Variants in AAGAB observed in about 807,000 individuals in gnomAD.
The protein encoded by AAGAB is alpha- and gamma-adaptin-binding protein p34.
AAGAB carries 38 observed loss-of-function variants against 44.1 expected under a neutral mutation model. The observed-to-expected ratio is 0.86, with a 90% CI of 0.67 to 1.13. The LOEUF is 1.13. Ranked by LOEUF, AAGAB falls within the 50% of genes most tolerant of loss-of-function variation. The pLI is 0.00. For synonymous variants in AAGAB, 131 were observed against 131.8 expected (o/e 0.99, Z 0.04); for missense variants, 450 against 373.8 (o/e 1.20, Z -1.68).
chr15:67,244,917 G>A (rs1318766137), intron 1 of AAGAB, among the ~76,000 whole-genome samples: 1 of 152,002 alleles, frequency 6.6e-6, no homozygotes. Flanking sequence ...TCAACATCAT[G>A]AGTTATTAAG....
intron 6 of AAGAB, 46 bp downstream of exon 6, chr15:67,209,416 G>T: frequency 7.0e-7 from 1 of 1,427,830 alleles, no homozygotes; most frequent in Non-Finnish European, 9.9e-7. Context: ...ATGACAAGGA[G>T]AAATTAAAGC....
At chr15:67,216,111 A>G (rs927110227) in intron 5 of AAGAB, among the ~76,000 whole-genome samples, 2 of 152,122 alleles carry the variant, frequency 1.3e-5, no homozygotes, top group African/African-American at 2.4e-5. Context: ...TAAATAATAT[A>G]TTCATTGTAG....
intron 1 of AAGAB, among the ~76,000 whole-genome samples, chr15:67,246,175 G>A (rs1386317886): frequency 6.6e-6 from 1 of 152,166 alleles, no homozygotes; most frequent in Non-Finnish European, 1.5e-5. Flanking sequence ...GAGCTCAGGA[G>A]TTCAAGACCA....
intron 4 of AAGAB, among the ~76,000 whole-genome samples, chr15:67,233,971 G>A (rs759091062): frequency 9.2e-5 from 14 of 151,968 alleles, no homozygotes; most frequent in African/African-American, 1.9e-4. Flanking sequence ...TGCTGGGCGC[G>A]GTGGCTCATG....
chr15:67,208,486 C>A, intron 7 of AAGAB, 76 bp downstream of exon 7: 4 of 1,318,478 alleles, frequency 3.0e-6, no homozygotes, highest in Non-Finnish European at 4.3e-6. Context: ...GTCAATTTCC[C>A]CCTCAACAAT....
intron 5 of AAGAB, among the ~76,000 whole-genome samples, chr15:67,211,858 A>G (rs923798188): frequency 6.6e-6 from 1 of 151,710 alleles, no homozygotes; most frequent in African/African-American, 2.4e-5. Context: ...TTATGAAACC[A>G]AAGCAGTCTA....
intron 5 of AAGAB, among the ~76,000 whole-genome samples, chr15:67,226,294 A>AT (rs985158488): frequency 2.0e-5 from 3 of 151,768 alleles, no homozygotes; most frequent in Admixed American, 6.6e-5. Context: ...GATTTTTAGA[A>AT]TTTTTTTGTA....
chr15:67,242,194 C>T lies in AAGAB; in HGVS notation c.74-5374G>A, dbSNP rs541038863. Among the ~76,000 whole-genome samples the T allele has an allele frequency of 2.6e-3, 246 of 94,490 alleles. 19 individuals are homozygous for T. The highest frequency in any genetic ancestry group is 6.9e-3 in the African/African-American group (229 of 33,128). The allele number at this position is 94,490 out of a possible 152,430, so 62.0% of individuals were successfully genotyped here. A position where few individuals can be genotyped will look rare whatever the true frequency, so the allele number is the denominator to read the frequency against. ...ATCCCAGCACTTTGGGAGGCCGAGGCGGGTGGATCATGAGGTCAGGAGATC... is the reference window on the plus strand; with the variant it reads ...ATCCCAGCACTTTGGGAGGCCGAGGTGGGTGGATCATGAGGTCAGGAGATC... On this transcript the variant is annotated intron_variant, in intron 1 of 9. Transcript: ENST00000261880.
At chr15:67,221,172 T>C (rs1964056678) in intron 5 of AAGAB, 1 of 152,248 alleles carries the variant, frequency 6.6e-6, no homozygotes, top group Non-Finnish European at 1.5e-5. Flanking sequence ...TTCCCAATTC[T>C]GTTGGAACTT....
intron 1 of AAGAB, among the ~76,000 whole-genome samples, chr15:67,245,657 G>A (rs993349790): frequency 1.3e-5 from 2 of 152,194 alleles, no homozygotes; most frequent in African/African-American, 4.8e-5. Context: ...GAAACTGGGA[G>A]ATACTGACCC....
At chr15:67,244,189 C>A (rs1397045498) in intron 1 of AAGAB, among the ~76,000 whole-genome samples, 2 of 152,158 alleles carry the variant, frequency 1.3e-5, no homozygotes, top group African/African-American at 2.4e-5. Flanking sequence ...CATTCTGTAG[C>A]CCCTGTACTC....
At position 67,218,051 on chromosome 15, in the gene AAGAB, G is replaced by A. The variant is rs1387171374; in HGVS notation, c.536-8507C>T. On this transcript the variant is annotated intron_variant, in intron 5 of 9. Transcript: ENST00000261880. ...AGATTCCACTAATCCTCCTCCATCTGCATTACTGGGGATTGAACTATAATA... is the reference window on the plus strand; with the variant it reads ...AGATTCCACTAATCCTCCTCCATCTACATTACTGGGGATTGAACTATAATA... Among the ~76,000 whole-genome samples, 3 of 152,180 alleles carry A rather than the reference G, an allele frequency of 2.0e-5. No homozygotes were observed. In the East Asian group the frequency reaches 5.8e-4, roughly 29 times the overall value.
At chr15:67,235,494 A>G (rs540887537) in intron 4 of AAGAB, among the ~76,000 whole-genome samples, 1 of 152,346 alleles carries the variant, frequency 6.6e-6, no homozygotes, top group Admixed American at 6.5e-5. Flanking sequence ...CAGCGATTGC[A>G]GAGCTACCTG....
At chr15:67,253,332 G>A (rs547478061) in intron 1 of AAGAB, among the ~76,000 whole-genome samples, 2 of 151,810 alleles carry the variant, frequency 1.3e-5, no homozygotes, top group Admixed American at 1.3e-4. Flanking sequence ...GGAGGCTGAG[G>A]TAGGGGGATG....
chr15:67,241,380 G>A (rs975025301), intron 1 of AAGAB, among the ~76,000 whole-genome samples: 6 of 152,186 alleles, frequency 3.9e-5, no homozygotes, highest in African/African-American at 7.2e-5. Context: ...ACTCTTCTCA[G>A]AATGCAAAGT....
intron 5 of AAGAB, among the ~76,000 whole-genome samples, chr15:67,222,239 C>CGCGT (rs1555417864): frequency 1.5e-5 from 1 of 66,996 alleles, no homozygotes; most frequent in South Asian, 6.4e-4. Flanking sequence ...CACGCGCGCG[C>CGCGT]GCGCACACAC....
chr15:67,253,765 A>AG (rs1362270828), intron 1 of AAGAB, among the ~76,000 whole-genome samples: 1 of 152,002 alleles, frequency 6.6e-6, no homozygotes, highest in African/African-American at 2.4e-5. Context: ...TTAAAAAAAA[A>AG]AAAAGAAAAG....
chr15:67,214,740 AG>A (rs1186286763), intron 5 of AAGAB, among the ~76,000 whole-genome samples: 1 of 151,946 alleles, frequency 6.6e-6, no homozygotes, highest in Non-Finnish European at 1.5e-5. Context: ...TCCCGGGTTC[AG>A]GCCGTTCTCC....
intron 1 of AAGAB, among the ~76,000 whole-genome samples, chr15:67,250,716 T>G (rs1053534455): frequency 6.6e-6 from 1 of 152,198 alleles, no homozygotes. Flanking sequence ...ATCCTGAGGC[T>G]TCATTTCCCT....
Sources: gnomAD v4.1 joint callset for allele counts (sites outside exome capture counted in the v4.1 genomes callset) on GRCh38, gnomAD v4.1.1 for gene constraint, MANE v1.5 for transcripts, NCBI Gene and HGNC (gene_info 2026-07-23, HGNC 2026-07-21) for gene names.